Variants in SAMD12 observed in about 807,000 individuals in gnomAD.
SAMD12 encodes sterile alpha motif domain-containing protein 12.
A neutral mutation model predicts 15.0 loss-of-function variants in SAMD12; 9 were observed. The observed-to-expected ratio is 0.60, with a 90% CI of 0.36 to 1.05. The LOEUF is 1.05. Among genes scored for constraint, SAMD12 ranks in the 50% least tolerant of loss-of-function variants. SAMD12 has a pLI of 0.01. For missense variants in SAMD12, 230 were observed against 234.2 expected (o/e 0.98, Z 0.12); for synonymous variants, 86 against 90.1 (o/e 0.96, Z 0.25).
chr8:118,552,054 G>C (rs1208029895), intron 2 of SAMD12, among the ~76,000 whole-genome samples: 3 of 151,804 alleles, frequency 2.0e-5, no homozygotes, highest in Non-Finnish European at 2.9e-5. Context: ...CAACCAAAAA[G>C]AGTCCAGGAC....
intron 2 of SAMD12, among the ~76,000 whole-genome samples, chr8:118,569,850 T>G (rs2131231393): frequency 6.6e-6 from 1 of 152,358 alleles, no homozygotes; most frequent in South Asian, 2.1e-4. Context: ...TTACAGCAGC[T>G]GAGGCTGACT....
At chr8:118,619,304 C>T (rs1405222630) in intron 1 of SAMD12, among the ~76,000 whole-genome samples, 1 of 151,830 alleles carries the variant, frequency 6.6e-6, no homozygotes, top group African/African-American at 2.4e-5. Flanking sequence ...GGTGAAACTC[C>T]GTCTCTACTA....
chr8:118,276,142 G>A (rs1404825351), intron 4 of SAMD12, among the ~76,000 whole-genome samples: 4 of 152,072 alleles, frequency 2.6e-5, no homozygotes, highest in Non-Finnish European at 5.9e-5. Context: ...TCCAGTTGTT[G>A]GAATAGTGTT....
At chr8:118,393,844 C>T (rs766382532) in intron 3 of SAMD12, among the ~76,000 whole-genome samples, 7 of 152,088 alleles carry the variant, frequency 4.6e-5, no homozygotes, top group Non-Finnish European at 8.8e-5. Flanking sequence ...TCAGGTGATC[C>T]ACCTGTCTTG....
intron 2 of SAMD12, among the ~76,000 whole-genome samples, chr8:118,535,131 G>A (rs1465043635): frequency 1.3e-5 from 2 of 152,146 alleles, no homozygotes; most frequent in African/African-American, 2.4e-5. Context: ...GTTTTGGTGT[G>A]GATGTCCTTT....
intron 2 of SAMD12, among the ~76,000 whole-genome samples, chr8:118,552,498 C>CAATA (rs1826370597): frequency 6.6e-6 from 1 of 152,160 alleles, no homozygotes; most frequent in African/African-American, 2.4e-5. Flanking sequence ...TAAAAACTCT[C>CAATA]AATAAATTAG....
chr8:118,402,600 T>G (rs1820921637), intron 3 of SAMD12, among the ~76,000 whole-genome samples: 1 of 152,210 alleles, frequency 6.6e-6, no homozygotes, highest in Admixed American at 6.5e-5. Context: ...ATCTATGGAA[T>G]GTCATTTAAC....
chr8:118,146,696 C>T, the SAMD12 span, among the ~76,000 whole-genome samples: 10 of 152,072 alleles, frequency 6.6e-5, no homozygotes, highest in Admixed American at 2.6e-4. Flanking sequence ...AAGCATAGAG[C>T]CAAGGAGCTC....
chr8:118,479,729 T>G (rs555934059), intron 2 of SAMD12, among the ~76,000 whole-genome samples: 1 of 152,036 alleles, frequency 6.6e-6, no homozygotes, highest in South Asian at 2.1e-4. Flanking sequence ...ACTGCATCCA[T>G]GAGCACCAGC....
At chr8:118,376,910 T>G (rs1290189244), downstream of SAMD12, among the ~76,000 whole-genome samples, 5 of 152,198 alleles carry the variant, frequency 3.3e-5, no homozygotes, top group African/African-American at 1.2e-4. Context: ...CTGAGTGGAA[T>G]GAAATTCTAA....
At chr8:118,406,037 G>A (rs17749504) in intron 3 of SAMD12, among the ~76,000 whole-genome samples, 21,656 of 152,044 alleles carry the variant, frequency 0.14, 1,776 homozygotes, top group Middle Eastern at 0.17. Flanking sequence ...ACAGGAGGCT[G>A]AGAAATGTTG....
Position 118,379,357 on chromosome 8 carries a change from C to G in SAMD12, c.*60G>C. On this transcript the variant is annotated 3_prime_UTR_variant, in exon 4 of 4. Coordinates refer to ENST00000314727, the MANE Select transcript of SAMD12 (RefSeq NM_207506.3). ...GGTAATTCTGTTTGCTCATCCATTA[C>G]TTATTTGTGCATCCTTCTCCCTAGT... The G allele has an allele frequency of 1.9e-6, 3 of 1,565,428 alleles. No homozygotes were observed. The highest frequency in any genetic ancestry group is 2.6e-6 in the Non-Finnish European group (3 of 1,158,742).
chr8:118,390,251 G>A (rs553466843), intron 3 of SAMD12, among the ~76,000 whole-genome samples: 18 of 152,182 alleles, frequency 1.2e-4, no homozygotes, highest in African/African-American at 1.9e-4. Flanking sequence ...CTCGTAAGCC[G>A]CCTGCCTAAG....
At chr8:118,510,208 C>T (rs553049085) in intron 2 of SAMD12, among the ~76,000 whole-genome samples, 17 of 151,624 alleles carry the variant, frequency 1.1e-4, no homozygotes, top group Non-Finnish European at 2.4e-4. Context: ...GTGATCAACC[C>T]CCCCACCACA....
chr8:118,488,066 C>T (rs1824337274), intron 2 of SAMD12, among the ~76,000 whole-genome samples: 1 of 151,852 alleles, frequency 6.6e-6, no homozygotes, highest in East Asian at 1.9e-4. Context: ...GATTCACAGA[C>T]ATCCAGTTAG....
At chr8:118,377,401 A>C (rs1435254637), downstream of SAMD12, among the ~76,000 whole-genome samples, 1 of 152,134 alleles carries the variant, frequency 6.6e-6, no homozygotes, top group Non-Finnish European at 1.5e-5. Flanking sequence ...CTGTCTTGAA[A>C]AAACCAAAAC....
rs1444241328 is a variant in SAMD12, at chr8:118,330,199, A to C, written c.433+49361T>G. Reference sequence around the variant, plus strand: ...CATGGGTAGACATTTCATGTAAGACACAAGATGTAGCTACGTTGGATTTAA... The same window carrying C: ...CATGGGTAGACATTTCATGTAAGACCCAAGATGTAGCTACGTTGGATTTAA... On this transcript the variant is annotated intron_variant, in intron 4 of 4. Transcript: ENST00000409003. 3.3e-5 allele frequency among the ~76,000 whole-genome samples: 5 copies of C among 152,254 alleles called. No individual in the cohort carries two copies. In the East Asian group the frequency reaches 7.7e-4, roughly 23 times the overall value.
At chr8:118,594,149 A>G (rs1230962002) in intron 1 of SAMD12, among the ~76,000 whole-genome samples, 1 of 151,902 alleles carries the variant, frequency 6.6e-6, no homozygotes, top group African/African-American at 2.4e-5. Context: ...TAAAGCTCAC[A>G]GTTTACTAAA....
At chr8:118,614,822 A>G (rs1236997621) in intron 1 of SAMD12, among the ~76,000 whole-genome samples, 3 of 152,228 alleles carry the variant, frequency 2.0e-5, no homozygotes, top group African/African-American at 7.2e-5. Context: ...AGATTCTTGC[A>G]CCCACACTTT....
Sources: allele counts gnomAD v4.1 joint callset (sites outside exome capture counted in the v4.1 genomes callset), GRCh38; gene constraint gnomAD v4.1.1; transcripts MANE v1.5; gene names NCBI Gene and HGNC (gene_info 2026-07-23, HGNC 2026-07-21).